Variants in SLC2A2 observed in about 807,000 individuals in gnomAD.
SLC2A2 encodes solute carrier family 2, facilitated glucose transporter member 2.
SLC2A2 carries 36 observed loss-of-function variants against 54.5 expected under a neutral mutation model. The ratio of observed to expected loss-of-function variants is 0.66; its 90% confidence interval spans 0.51 to 0.87. SLC2A2 has a LOEUF of 0.87. Among genes scored for constraint, SLC2A2 ranks in the 40% least tolerant of loss-of-function variants. SLC2A2 has a pLI of 0.00. For synonymous variants in SLC2A2, 223 were observed against 219.1 expected (o/e 1.02, Z -0.16); for missense variants, 543 against 624.3 (o/e 0.87, Z 1.39).
At chr3:171,006,999 C>A in intron 5 of SLC2A2, 149 bp downstream of exon 5, 1 of 678,590 alleles carries the variant, frequency 1.5e-6, no homozygotes. Flanking sequence ...GCTTTTCTCT[C>A]TGTGCTGGTC....
chr3:171,007,438 C>T, intron 4 of SLC2A2, 175 bp from the exon 5 acceptor site: 1 of 623,166 alleles, frequency 1.6e-6, no homozygotes, highest in East Asian at 2.8e-5. Flanking sequence ...TTGATATGAC[C>T]TCATATGCAG....
intron 2 of SLC2A2, among the ~76,000 whole-genome samples, chr3:171,016,570 G>A (rs73031777): frequency 2.4e-4 from 36 of 152,228 alleles, no homozygotes; most frequent in African/African-American, 8.7e-4. Context: ...GTAGGCATGT[G>A]TAATTTTCAT....
rs200160167 is a variant in SLC2A2 at position 170,997,988 on chromosome 3, G to T, written c.1490C>A (p.Ala497Glu). The change falls in exon 11 of 11, where the codon GCA becomes GAA. Residue 497 changes from alanine to glutamate, a missense_variant. Physicochemically the swap from Ala to Glu is moderately radical, Grantham distance 107. Around this residue, in one of 3 missense-constraint regions of SLC2A2, gnomAD observed 108 missense variants for 101.3 expected, o/e 1.07. Transcript: ENST00000314251. ...TKGKSFEEIA[A>E]EFQKKSGSAH... ...TGAGCCACTCTTCTTTTGGAATTCT[G>T]CAGCAATTTCCTCAAAAGACTTTCC... 166 of 1,613,578 alleles carry T rather than the reference G, an allele frequency of 1.0e-4. 1 individual carries two copies. In the East Asian group the frequency reaches 3.7e-3, roughly 36 times the overall value.
rs114965351 is a variant in SLC2A2, at chr3:171,021,391, G to C, written c.16-2768C>G. ...TACTACTTATGCTTACTGCATGCCTGTTCACTATGTGGATTATCTCATTTA... is the reference window on the plus strand; with the variant it reads ...TACTACTTATGCTTACTGCATGCCTCTTCACTATGTGGATTATCTCATTTA... On this transcript the variant is annotated intron_variant, in intron 1 of 10. Transcript: ENST00000314251. Among the ~76,000 whole-genome samples, 672 of 152,322 alleles carry C rather than the reference G, an allele frequency of 4.4e-3. 5 individuals carry two copies. Among genetic ancestry groups the C allele is most frequent in the African/African-American group, 0.015 (641 of 41,564 alleles).
intron 1 of SLC2A2, among the ~76,000 whole-genome samples, chr3:171,024,034 C>A (rs1176005789): frequency 6.6e-6 from 1 of 152,036 alleles, no homozygotes; most frequent in Non-Finnish European, 1.5e-5. Flanking sequence ...CATATAGGGT[C>A]TATTAGAAAA....
At chr3:171,005,910 A>T in intron 6 of SLC2A2, 33 bp downstream of exon 6, 1 of 1,600,570 alleles carries the variant, frequency 6.2e-7, no homozygotes, top group Admixed American at 1.7e-5. Flanking sequence ...TGCCAAAACA[A>T]TAGGAAGAAA....
chr3:171,015,621 CA>C (rs1317311893), intron 2 of SLC2A2, among the ~76,000 whole-genome samples: 9 of 151,958 alleles, frequency 5.9e-5, no homozygotes, highest in Non-Finnish European at 1.3e-4. Flanking sequence ...AGATGAGGGT[CA>C]AAAATCAAGT....
chr3:171,003,119 T>C (rs997819674), intron 7 of SLC2A2, among the ~76,000 whole-genome samples: 1 of 151,978 alleles, frequency 6.6e-6, no homozygotes. Flanking sequence ...AAACCACTCT[T>C]ACAACTCCTG....
intron 3 of SLC2A2, among the ~76,000 whole-genome samples, chr3:171,013,723 G>T (rs1225692037): frequency 2.0e-5 from 3 of 152,102 alleles, no homozygotes; most frequent in Admixed American, 6.6e-5. Context: ...TGCACAAAAG[G>T]TGGGCTCAAA....
intron 2 of SLC2A2, among the ~76,000 whole-genome samples, chr3:171,015,988 C>T (rs918798581): frequency 6.6e-6 from 1 of 152,104 alleles, no homozygotes; most frequent in African/African-American, 2.4e-5. Context: ...GATTTGGTCA[C>T]TATTTAGCAT....
chr3:171,025,764 A>C (rs1481672290), intron 1 of SLC2A2, among the ~76,000 whole-genome samples: 2 of 152,160 alleles, frequency 1.3e-5, no homozygotes, highest in African/African-American at 4.8e-5. Context: ...AGATTGATCA[A>C]CTTATATGAT....
rs550695329 is a variant in SLC2A2, at chr3:171,015,138, G to A, written c.109-407C>T. Among the ~76,000 whole-genome samples the A allele has an allele frequency of 2.6e-5, 4 of 152,186 alleles. No homozygotes were observed. The East Asian group carries it at 7.7e-4, about 29-fold the overall frequency. On this transcript the variant is annotated intron_variant, in intron 2 of 10. Transcript: ENST00000314251. ...TCTGAGTTTTTATGTAAATTTTTTCGAGTTTTAAATATTGGCAACTATTGA... is the reference window on the plus strand; with the variant it reads ...TCTGAGTTTTTATGTAAATTTTTTCAAGTTTTAAATATTGGCAACTATTGA...
intron 3 of SLC2A2, among the ~76,000 whole-genome samples, chr3:171,013,565 T>G (rs1715986080): frequency 6.6e-6 from 1 of 152,108 alleles, no homozygotes; most frequent in African/African-American, 2.4e-5. Context: ...GAGCTAAAAA[T>G]TATAATTTAT....
At chr3:171,001,335 ACTTCAGAAACAGGT>A (rs1715325266) in intron 8 of SLC2A2, among the ~76,000 whole-genome samples, 1 of 152,096 alleles carries the variant, frequency 6.6e-6, no homozygotes, top group African/African-American at 2.4e-5. Flanking sequence ...CTTGGATTGC[ACTTCAGAAACAGGT>A]CTTGATTGAT....
chr3:171,006,127 A>G (rs1451143843), intron 5 of SLC2A2, 22 bp from the exon 6 acceptor site: 4 of 1,603,838 alleles, frequency 2.5e-6, no homozygotes, highest in Non-Finnish European at 3.4e-6. Context: ...AGGAGGAAGT[A>G]TATCAACTAC....
intron 1 of SLC2A2, among the ~76,000 whole-genome samples, chr3:171,024,252 A>T (rs1243957070): frequency 6.6e-6 from 1 of 152,190 alleles, no homozygotes; most frequent in Non-Finnish European, 1.5e-5. Flanking sequence ...TGTCTTTATC[A>T]TCTCATTCAT....
rs954412370 is a variant in SLC2A2 at position 170,997,622 on chromosome 3, G to T, written c.*281C>A. On this transcript the variant is annotated 3_prime_UTR_variant, in exon 11 of 11. Transcript: ENST00000314251. ...ATCTCTTCAATTTTAGAAGAACCTT[G>T]TTATAAAGAACAGAGCTAAAAATAT... 5 of 354,564 alleles carry T rather than the reference G, an allele frequency of 1.4e-5. No individual in the cohort carries two copies. Among genetic ancestry groups the T allele is most frequent in the Non-Finnish European group, 2.0e-5 (4 of 197,220 alleles). 22.0% of individuals were successfully genotyped at this position (354,564 alleles called of 1,614,324 possible). A position where few individuals can be genotyped will look rare whatever the true frequency, so the allele number is the denominator to read the frequency against.
At chr3:171,006,149 G>T in intron 5 of SLC2A2, 44 bp from the exon 6 acceptor site, 1 of 1,563,458 alleles carries the variant, frequency 6.4e-7, no homozygotes. Flanking sequence ...TAATACTTTG[G>T]ATCTACCTTT....
rs749843198 is a variant in SLC2A2, at chr3:170,999,684, A to G, written c.1069-518T>C. Among the ~76,000 whole-genome samples the G allele has an allele frequency of 7.9e-5, 12 of 152,242 alleles. No homozygotes were observed. The South Asian group carries it at 1.0e-3, about 13-fold the overall frequency. ...TCATCCAATTTTCTCACTGCTTAATAAAGTCCTATTATGACCACTCACCTA... is the reference window on the plus strand; with the variant it reads ...TCATCCAATTTTCTCACTGCTTAATGAAGTCCTATTATGACCACTCACCTA... On this transcript the variant is annotated intron_variant, in intron 8 of 10. Transcript: ENST00000314251.
Sources: allele counts gnomAD v4.1 joint callset (sites outside exome capture counted in the v4.1 genomes callset), GRCh38; gene constraint gnomAD v4.1.1; regional missense constraint gnomAD v4.1.1; transcripts MANE v1.5; gene names NCBI Gene and HGNC (gene_info 2026-07-23, HGNC 2026-07-21).